CD58: variants seen among roughly 807,000 people sequenced by gnomAD.
CD58 encodes CD58 molecule.
In CD58, 14 loss-of-function variants were observed where a neutral mutation model predicts 27.6. The observed-to-expected ratio is 0.51, with a 90% CI of 0.34 to 0.79. The LOEUF (loss-of-function observed/expected upper bound fraction) is 0.79. Ranked by LOEUF, CD58 falls within the 30% of genes least tolerant of loss-of-function variation. CD58 has a pLI of 0.02. For missense variants in CD58, 268 were observed against 301.7 expected (o/e 0.89, Z 0.83); for synonymous variants, 117 against 103.8 (o/e 1.13, Z -0.77).
At chr1:116,555,191 G>A (rs972406283) in intron 1 of CD58, among the ~76,000 whole-genome samples, 1 of 152,060 alleles carries the variant, frequency 6.6e-6, no homozygotes, top group Admixed American at 6.6e-5. Flanking sequence ...AGATTTTGAA[G>A]CCAGCAAGGC....
intron 1 of CD58, among the ~76,000 whole-genome samples, chr1:116,560,953 T>A (rs1571090030): frequency 2.6e-5 from 4 of 152,324 alleles, no homozygotes; most frequent in Admixed American, 2.6e-4. Context: ...AGGGTCTGTG[T>A]CCTTAAGTAA....
Position 116,535,990 on chromosome 1 carries a change from A to G in CD58, c.603T>C (p.Ile201=), listed in dbSNP as rs1657784907. 6.2e-7 allele frequency: 1 copy of G among 1,610,808 alleles called. No individual in the cohort carries two copies. Residue 201 remains isoleucine (I), a synonymous_variant, in exon 3 of 6, where the codon ATT becomes ATC. Transcript: ENST00000369489. ...NPLFNTTSSI[I]LTTCIPSSGH... is the part of the protein sequence containing the mutation. ...CGCTGCTTGGGATACAGGTTGTCAA[A>G]ATGATTGATGATGTTGTATTAAATA...
rs78400814 is a variant in CD58, at chr1:116,536,808, A to G, written c.365-580T>C. ...ACAGGCCCCAAATCCCTTATCCTCA[A>G]TTCTTAAATCAAAAAATCTCTGAAG... On this transcript the variant is annotated intron_variant, in intron 2 of 5. Coordinates refer to ENST00000369489, the MANE Select transcript of CD58 (RefSeq NM_001779.3). This position sits in a 1 kb window ranked among gnomAD's most constrained non-coding sequence, Gnocchi z 5.4. Among the ~76,000 whole-genome samples, 4 of 152,248 alleles carry G rather than the reference A, an allele frequency of 2.6e-5. No homozygotes were observed. In the East Asian group the frequency reaches 7.7e-4, roughly 29 times the overall value.
At chr1:116,542,308 G>A (rs1487225891) in intron 2 of CD58, among the ~76,000 whole-genome samples, 2 of 152,132 alleles carry the variant, frequency 1.3e-5, no homozygotes, top group Non-Finnish European at 2.9e-5. Context: ...ACATGAATAG[G>A]GTGGTATCCT....
chr1:116,556,549 A>G (rs1658575562), intron 1 of CD58, among the ~76,000 whole-genome samples: 1 of 152,200 alleles, frequency 6.6e-6, no homozygotes. Context: ...AGAAAGTCAA[A>G]CTGAGTTAAG....
At chr1:116,556,011 T>C (rs1658547089) in intron 1 of CD58, among the ~76,000 whole-genome samples, 1 of 152,056 alleles carries the variant, frequency 6.6e-6, no homozygotes, top group Non-Finnish European at 1.5e-5. Context: ...ATCCCAGCAC[T>C]TTGGGAGGCC....
chr1:116,569,049 G>A (rs1246130857), intron 1 of CD58, among the ~76,000 whole-genome samples: 3 of 152,228 alleles, frequency 2.0e-5, no homozygotes, highest in African/African-American at 4.8e-5. Flanking sequence ...AGATCACCAG[G>A]AAGGGACAGT....
rs1039185862 is a variant in CD58, at chr1:116,526,747, T to C, written c.629-4764A>G. Among the ~76,000 whole-genome samples the C allele has an allele frequency of 8.5e-5, 13 of 152,232 alleles. 2 individuals are homozygous for C. The highest frequency in any genetic ancestry group is 8.5e-4 in the Admixed American group (13 of 15,284). Reference sequence around the variant, plus strand: ...TGACTTCTGATATTTTGCTTGGGATTGCACTGAATTTATAGAGTAAATTGG... The same window carrying C: ...TGACTTCTGATATTTTGCTTGGGATCGCACTGAATTTATAGAGTAAATTGG... On this transcript the variant is annotated intron_variant, in intron 3 of 5. Coordinates refer to ENST00000369489, the MANE Select transcript of CD58 (RefSeq NM_001779.3).
rs963465364 is a variant in CD58 at position 116,559,988 on chromosome 1, A to G, written c.70+10915T>C. 2 of 154,120 alleles carry G rather than the reference A, an allele frequency of 1.3e-5. No homozygotes were observed. Among genetic ancestry groups the G allele is most frequent in the Admixed American group, 6.5e-5 (1 of 15,284 alleles). 9.5% of individuals were successfully genotyped at this position (154,120 alleles called of 1,614,324 possible). A position where few individuals can be genotyped will look rare whatever the true frequency, so the allele number is the denominator to read the frequency against. ...CTGAAGACCTGGTATTAAAAAGTGG[A>G]ACATAAAATCTCTTGTTAATATTTT... On this transcript the variant is annotated intron_variant, in intron 1 of 5. Coordinates refer to ENST00000369489, the MANE Select transcript of CD58 (RefSeq NM_001779.3). The surrounding 1 kb of genome is among the most constrained non-coding windows in gnomAD (Gnocchi z 4.4).
rs574846359 is a variant in CD58, at chr1:116,544,583, T to C, written c.92A>G (p.Gln31Arg). 15 of 1,583,114 alleles carry C rather than the reference T, an allele frequency of 9.5e-6. No individual in the cohort carries two copies. Among genetic ancestry groups the C allele is most frequent in the Non-Finnish European group, 1.3e-5 (15 of 1,165,780 alleles). Residue 31 changes from glutamine (Q) to arginine (R), a missense_variant, in exon 2 of 6, where the codon CAA (glutamine) becomes CGA (arginine). Transcript: ENST00000369489. ...CCCATACACAACACCATATATTTGT[T>C]GGGAAAAACAGCTGATGAAACCTAG... ...HCFGFISCFS[Q>R]QIYGVVYGNV...
At position 116,515,547 on chromosome 1, in the gene CD58, A is replaced by G. The variant is rs1259723874; in HGVS notation, c.744-725T>C. Among the ~76,000 whole-genome samples the G allele has an allele frequency of 6.6e-6, 1 of 152,190 alleles. No homozygotes were observed. The highest frequency in any genetic ancestry group is 1.5e-5 in the Non-Finnish European group (1 of 68,026). Reference sequence around the variant, plus strand: ...GTGCTGTGACTTTCTGAGGGGGATAAAGTGGGAAATGTTTGTAAACCAGGT... The same window carrying G: ...GTGCTGTGACTTTCTGAGGGGGATAGAGTGGGAAATGTTTGTAAACCAGGT... On this transcript the variant is annotated intron_variant, in intron 5 of 5. Coordinates refer to ENST00000369489, the MANE Select transcript of CD58 (RefSeq NM_001779.3). The surrounding 1 kb of genome is among the most constrained non-coding windows in gnomAD (Gnocchi z 4.6).
At chr1:116,555,843 C>A (rs1658540901) in intron 1 of CD58, among the ~76,000 whole-genome samples, 1 of 151,916 alleles carries the variant, frequency 6.6e-6, no homozygotes, top group Non-Finnish European at 1.5e-5. Context: ...GCACAAATTC[C>A]TCTGCAAATT....
intron 1 of CD58, among the ~76,000 whole-genome samples, chr1:116,556,824 T>C (rs200886397): frequency 6.6e-6 from 1 of 152,158 alleles, no homozygotes; most frequent in East Asian, 1.9e-4. Context: ...GGTGAGGACT[T>C]GCGCACCAGT....
intron 4 of CD58, among the ~76,000 whole-genome samples, chr1:116,520,060 A>G (rs954627287): frequency 2.6e-5 from 4 of 152,222 alleles, no homozygotes; most frequent in Admixed American, 2.6e-4. Context: ...TTCCATGCCA[A>G]ACATCTCACT....
Position 116,536,340 on chromosome 1 carries a change from C to T in CD58, c.365-112G>A. ...TTACAAGCTTGAAAGGATGAGCAGA[C>T]AAACTCCTTGAGCATCAAGGAGCGA... On this transcript the variant is annotated intron_variant, in intron 2 of 5. Transcript: ENST00000369489. The surrounding 1 kb of genome is among the most constrained non-coding windows in gnomAD (Gnocchi z 5.4). The T allele has an allele frequency of 1.4e-6, 1 of 725,702 alleles. No individual in the cohort carries two copies. The highest frequency in any genetic ancestry group is 2.2e-6 in the Non-Finnish European group (1 of 455,292). 45.0% of individuals were successfully genotyped at this position (725,702 alleles called of 1,614,324 possible). A position where few individuals can be genotyped will look rare whatever the true frequency, so the allele number is the denominator to read the frequency against.
chr1:116,539,445 G>C (rs958298919), intron 2 of CD58, among the ~76,000 whole-genome samples: 9 of 152,144 alleles, frequency 5.9e-5, no homozygotes, highest in Non-Finnish European at 1.5e-5. Flanking sequence ...GAAAGGGAAT[G>C]CTGTATCAGG....
intron 3 of CD58, among the ~76,000 whole-genome samples, chr1:116,530,783 G>GAAAA (rs910716247): frequency 6.6e-5 from 10 of 150,584 alleles, no homozygotes; most frequent in African/African-American, 2.4e-4. Flanking sequence ...AATCATCTCA[G>GAAAA]AAAAAAAAAG....
intron 4 of CD58, among the ~76,000 whole-genome samples, chr1:116,520,461 G>A (rs887065203): frequency 2.0e-5 from 3 of 151,606 alleles, no homozygotes; most frequent in Non-Finnish European, 4.4e-5. Context: ...GATTATCTGG[G>A]GCTAACAGTA....
chr1:116,519,307 A>G lies in CD58; in HGVS notation c.707-40T>C. The G allele has an allele frequency of 6.3e-7, 1 of 1,585,378 alleles. No individual in the cohort carries two copies. The highest frequency in any genetic ancestry group is 8.6e-7 in the Non-Finnish European group (1 of 1,158,710). On this transcript the variant is annotated intron_variant, in intron 4 of 5. Coordinates refer to ENST00000369489, the MANE Select transcript of CD58 (RefSeq NM_001779.3). The surrounding 1 kb of genome is among the most constrained non-coding windows in gnomAD (Gnocchi z 4.7). Reference sequence around the variant, plus strand: ...ATTGTCTTCTCAATTAAAGAACTGAAAAGAAAAGGTGAAATGTGGAGTTAC... The same window carrying G: ...ATTGTCTTCTCAATTAAAGAACTGAGAAGAAAAGGTGAAATGTGGAGTTAC...
Sources: gnomAD v4.1 joint callset for allele counts (sites outside exome capture counted in the v4.1 genomes callset) on GRCh38, gnomAD v4.1.1 for gene constraint, Gnocchi (gnomAD v3.1) non-coding constraint, MANE v1.5 for transcripts, NCBI Gene and HGNC (gene_info 2026-07-23, HGNC 2026-07-21) for gene names.